LRRC40: variants seen among roughly 807,000 people sequenced by gnomAD.
The protein encoded by LRRC40 is leucine-rich repeat-containing protein 40.
A neutral mutation model predicts 72.8 loss-of-function variants in LRRC40; 76 were observed. The ratio of observed to expected loss-of-function variants is 1.04; its 90% CI spans 0.87 to 1.26. The LOEUF (loss-of-function observed/expected upper bound fraction) is 1.26. Ranked by LOEUF, LRRC40 falls within the 50% of genes most tolerant of loss-of-function variation. The probability of loss-of-function intolerance (pLI) is 0.00; values close to 1 mark genes in which losing one functional copy is unlikely to be tolerated. For missense variants in LRRC40, 684 were observed against 698.9 expected (o/e 0.98, Z 0.24); for synonymous variants, 243 against 254.2 (o/e 0.96, Z 0.42).
intron 9 of LRRC40, among the ~76,000 whole-genome samples, chr1:70,171,581 G>C (rs1370840370): frequency 6.6e-6 from 1 of 152,030 alleles, no homozygotes; most frequent in Non-Finnish European, 1.5e-5. Flanking sequence ...CACAGGAAAA[G>C]ATGCTCTACA....
intron 1 of LRRC40, among the ~76,000 whole-genome samples, chr1:70,194,833 A>C (rs1478246134): frequency 6.6e-6 from 1 of 152,198 alleles, no homozygotes; most frequent in East Asian, 1.9e-4. Flanking sequence ...ATGAAGCTAC[A>C]TTTGTCAAGA....
In LRRC40 at chr1:70,148,659, G is replaced by A. The variant is rs766043343; in HGVS notation, c.1531C>T (p.Pro511Ser). The change falls in exon 14 of 15, where the codon CCT (proline) becomes TCT (serine). Residue 511 changes from proline to serine, a missense_variant. Coordinates refer to ENST00000370952, the MANE Select transcript of LRRC40 (RefSeq NM_017768.5). The part of the protein sequence containing the change: ...NLSFNRFKML[P>S]EVLYRIFTLE... ...GTGAAGATACGATATAGAACTTCAG[G>A]TAGCATTTTAAACCTATTAATACAT... is the stretch of plus-strand genomic sequence containing the variant. The A allele has an allele frequency of 6.9e-6, 11 of 1,605,242 alleles. No individual in the cohort carries two copies. The highest frequency in any genetic ancestry group is 9.4e-6 in the Non-Finnish European group (11 of 1,173,578).
At chr1:70,171,600 C>T (rs1411240557) in intron 9 of LRRC40, among the ~76,000 whole-genome samples, 1 of 152,082 alleles carries the variant, frequency 6.6e-6, no homozygotes, top group Non-Finnish European at 1.5e-5. Flanking sequence ...CATTAATACT[C>T]ATCAGAAAAA....
Position 70,151,177 on chromosome 1 carries a change from C to T in LRRC40, c.1468G>A (p.Glu490Lys). 1.3e-6 allele frequency: 2 copies of T among 1,590,190 alleles called. No individual in the cohort carries two copies. The highest frequency in any genetic ancestry group is 1.7e-6 in the Non-Finnish European group (2 of 1,160,400). ...RNNFLNSLPEEMESLVRLQTI... is the reference protein window; with the variant it reads ...RNNFLNSLPEKMESLVRLQTI... The stretch of plus-strand genomic sequence containing the variant: ...TGCAGTCTTACCAGTGATTCCATTT[C>T]TTCTGGCAAAGAATTTAAAAAATTG... Residue 490 changes from glutamate (E) to lysine (K), a missense_variant, in exon 13 of 15, where the codon GAA becomes AAA. Coordinates refer to ENST00000370952, the MANE Select transcript of LRRC40 (RefSeq NM_017768.5).
chr1:70,149,918 T>C (rs1025423840), intron 13 of LRRC40, among the ~76,000 whole-genome samples: 1 of 152,122 alleles, frequency 6.6e-6, no homozygotes, highest in Admixed American at 6.5e-5. Context: ...TATTTTATTT[T>C]TTAAATTTTA....
intron 5 of LRRC40, among the ~76,000 whole-genome samples, chr1:70,179,776 C>T (rs187340357): frequency 7.2e-4 from 110 of 152,182 alleles, no homozygotes; most frequent in Admixed American, 1.4e-3. Flanking sequence ...TTTAGCTGCT[C>T]TTTATAATAT....
intron 9 of LRRC40, among the ~76,000 whole-genome samples, chr1:70,168,721 G>C (rs1376012669): frequency 3.3e-5 from 5 of 152,172 alleles, no homozygotes; most frequent in Non-Finnish European, 5.9e-5. Context: ...CAGAAAAGCT[G>C]AGTGTCTATA....
intron 1 of LRRC40, among the ~76,000 whole-genome samples, chr1:70,199,215 TCA>T (rs3223615): frequency 0.033 from 4,697 of 140,274 alleles, 77 homozygotes; most frequent in Non-Finnish European, 0.043. Flanking sequence ...ATACATAGTC[TCA>T]CACACACACA....
At chr1:70,190,798 C>A (rs776617953) in intron 1 of LRRC40, among the ~76,000 whole-genome samples, 98 of 151,622 alleles carry the variant, frequency 6.5e-4, no homozygotes, top group Non-Finnish European at 7.8e-4. Context: ...GTATTCTCTG[C>A]TTCTCTACTC....
At chr1:70,205,310 C>A in intron 1 of LRRC40, 80 bp downstream of exon 1, 1 of 1,362,066 alleles carries the variant, frequency 7.3e-7, no homozygotes, top group Non-Finnish European at 9.9e-7. Context: ...GGGCCAAAGC[C>A]AGCCCAGAGA....
In LRRC40 at chr1:70,178,724, T is replaced by C. The variant is rs147425788; in HGVS notation, c.804+127A>G. The C allele has an allele frequency of 3.3e-3, 1,510 of 453,202 alleles. 11 individuals carry two copies. The highest frequency in any genetic ancestry group is 0.014 in the Middle Eastern group (23 of 1,632). 28.1% of individuals were successfully genotyped at this position (453,202 alleles called of 1,614,324 possible). On this transcript the variant is annotated intron_variant, in intron 6 of 14. Transcript: ENST00000370952. ...ATTAAAATTCTGAAAAGTATTAACA[T>C]AGGAAAAACACAGTACTTATAACTA...
At position 70,181,149 on chromosome 1, in the gene LRRC40, C is replaced by T. The variant is rs371094372; in HGVS notation, c.598G>A (p.Val200Met). Residue 200 changes from valine (V) to methionine (M), a missense_variant, in exon 5 of 15, where the codon GTG becomes ATG. Val to Met is a conservative substitution (Grantham distance 21). Transcript: ENST00000370952. ...PASFSSLSSL[V>M]RLNLSSNELK... is the part of the protein sequence containing the mutation. ...TCATTACTAGAAAGATTGAGTCGCA[C>T]CAGACTGGACAGAGAAGAAAAACTA... The T allele has an allele frequency of 3.1e-6, 5 of 1,598,554 alleles. No homozygotes were observed. Among genetic ancestry groups the T allele is most frequent in the Non-Finnish European group, 4.3e-6 (5 of 1,172,684 alleles).
intron 9 of LRRC40, 45 bp from the exon 10 acceptor site, chr1:70,159,483 G>T: frequency 2.4e-6 from 2 of 818,980 alleles, no homozygotes; most frequent in Non-Finnish European, 4.1e-6. Flanking sequence ...ATACTACAAA[G>T]TCATTGTTAA....
At position 70,151,123 on chromosome 1, in the gene LRRC40, C is replaced by G. The variant is rs370948990; in HGVS notation, c.1517+5G>C. ...AATAACAATTAGAATTGTCTGTTCTCTTACCTATTAAAGGAAAGATTGATC... is the reference window on the plus strand; with the variant it reads ...AATAACAATTAGAATTGTCTGTTCTGTTACCTATTAAAGGAAAGATTGATC... On this transcript the variant is annotated splice_donor_5th_base_variant and intron_variant, in intron 13 of 14. Transcript: ENST00000370952. The G allele has an allele frequency of 1.3e-4, 187 of 1,467,832 alleles. No individual in the cohort carries two copies. Among genetic ancestry groups the G allele is most frequent in the Non-Finnish European group, 1.6e-4 (165 of 1,050,338 alleles). The allele number at this position is 1,467,832 out of a possible 1,614,324, so 90.9% of individuals were successfully genotyped here.
chr1:70,185,785 G>A, intron 3 of LRRC40, among the ~76,000 whole-genome samples: 1 of 152,132 alleles, frequency 6.6e-6, no homozygotes, highest in East Asian at 1.9e-4. Context: ...TTTCAGTTAA[G>A]CCCTTCTGTA....
In LRRC40 at chr1:70,155,735, T is replaced by C. The variant is rs1385053609; in HGVS notation, c.1282A>G (p.Thr428Ala). ...TGATTCTTACTGAAGTTAATAGAAG[T>C]GACGATGTTGCTTTTTACTGCATCA... ...VFDAVKSNIV[T>A]SINFSKNQLC... is the part of the protein sequence containing the mutation. Residue 428 changes from threonine (T) to alanine (A), a missense_variant, in exon 11 of 15, where the codon ACT becomes GCT. Transcript: ENST00000370952. The C allele has an allele frequency of 6.3e-7, 1 of 1,582,704 alleles. No homozygotes were observed. Among genetic ancestry groups the C allele is most frequent in the African/African-American group, 1.3e-5 (1 of 74,406 alleles).
At chr1:70,188,981 A>G (rs1293514367) in intron 2 of LRRC40, 111 bp downstream of exon 2, 3 of 818,342 alleles carry the variant, frequency 3.7e-6, no homozygotes, top group Non-Finnish European at 5.7e-6. Flanking sequence ...ATAATTTACT[A>G]TCTGTCCTTG....
intron 13 of LRRC40, among the ~76,000 whole-genome samples, chr1:70,149,925 T>G (rs761350545): frequency 2.0e-5 from 3 of 152,056 alleles, no homozygotes; most frequent in Non-Finnish European, 4.4e-5. Context: ...TTTTTTAAAT[T>G]TTATTTATTT....
At chr1:70,166,139 T>G (rs2100268504) in intron 9 of LRRC40, among the ~76,000 whole-genome samples, 1 of 152,356 alleles carries the variant, frequency 6.6e-6, no homozygotes, top group Non-Finnish European at 1.5e-5. Context: ...TAATTCAACC[T>G]ATTTTGAAGT....
Sources: gnomAD v4.1 joint callset for allele counts (sites outside exome capture counted in the v4.1 genomes callset) on GRCh38, gnomAD v4.1.1 for gene constraint, MANE v1.5 for transcripts, NCBI Gene and HGNC (gene_info 2026-07-23, HGNC 2026-07-21) for gene names.